Variants in HAPLN3 observed in about 807,000 individuals in gnomAD.
HAPLN3 encodes hyaluronan and proteoglycan link protein 3.
HAPLN3 carries 28 observed loss-of-function variants against 28.1 expected under a neutral mutation model. That is an observed-to-expected ratio of 1.00 (90% CI 0.74 to 1.37). The LOEUF (loss-of-function observed/expected upper bound fraction) is 1.37. HAPLN3 is among the 40% of genes most tolerant of loss of function. The pLI, the probability that HAPLN3 is intolerant of heterozygous loss-of-function variation, is 0.00. For missense variants in HAPLN3, 513 were observed against 504.6 expected, an observed-to-expected ratio of 1.02 and a Z score of -0.16; for synonymous variants, 211 against 213.1, an observed-to-expected ratio of 0.99 and a Z score of 0.09.
chr15:88,885,458 G>GTTT (rs761060139), intron 2 of HAPLN3, among the ~76,000 whole-genome samples: 2 of 114,930 alleles, frequency 1.7e-5, no homozygotes, highest in Non-Finnish European at 3.5e-5. Flanking sequence ...TGTTTTTTGT[G>GTTT]TTTTTTTTTT....
intron 2 of HAPLN3, among the ~76,000 whole-genome samples, chr15:88,886,042 AC>A (rs1355941324): frequency 6.6e-6 from 1 of 152,212 alleles, no homozygotes; most frequent in South Asian, 2.1e-4. Context: ...CCCGTGCTGC[AC>A]TAATGGTTAA....
Position 88,880,360 on chromosome 15 carries a change from A to G in HAPLN3, c.493+997T>C. On this transcript the variant is annotated intron_variant, in intron 3 of 4. Transcript: ENST00000359595. This position sits in a 1 kb window ranked among gnomAD's most constrained non-coding sequence, Gnocchi z 6.0. ...CTGAGCCACCATGTAAGCCATGTGG[A>G]CACTGGTGGCAAAGACAGAGAACGC... 8.9e-7 allele frequency: 1 copy of G among 1,123,818 alleles called. No individual in the cohort carries two copies. The highest frequency in any genetic ancestry group is 1.1e-6 in the Non-Finnish European group (1 of 906,834). 69.6% of individuals were successfully genotyped at this position (1,123,818 alleles called of 1,614,324 possible).
chr15:88,881,069 T>A lies in HAPLN3; in HGVS notation c.493+288A>T, dbSNP rs574287770. The A allele has an allele frequency of 1.5e-5, 7 of 452,430 alleles. No individual in the cohort carries two copies. The highest frequency in any genetic ancestry group is 2.8e-5 in the Non-Finnish European group (7 of 253,530). The allele number at this position is 452,430 out of a possible 1,614,324, so 28.0% of individuals were successfully genotyped here. ...CTGGTTTTCCTCTCTCTGAATGAGA[T>A]GTGAATTACAGCGGGTAGAGGGGAA... On this transcript the variant is annotated intron_variant, in intron 3 of 4. Coordinates refer to ENST00000359595, the MANE Select transcript of HAPLN3 (RefSeq NM_178232.4). This position sits in a 1 kb window ranked among gnomAD's most constrained non-coding sequence, Gnocchi z 6.0.
intron 2 of HAPLN3, among the ~76,000 whole-genome samples, chr15:88,883,378 C>T (rs116114746): frequency 0.042 from 6,459 of 152,290 alleles, 463 homozygotes; most frequent in African/African-American, 0.15. Context: ...CCACCTTTTC[C>T]CAGCTGTGTA....
chr15:88,894,858 C>T lies in HAPLN3; in HGVS notation c.-48+601G>A, dbSNP rs550127347. ...ACCCAGGGCTCTGCCCTCCACCCTC[C>T]CTACCCTTCTGGCCTCGCTGTCCCT... On this transcript the variant is annotated intron_variant, in intron 1 of 4. Transcript: ENST00000359595. 3.3e-5 allele frequency among the ~76,000 whole-genome samples: 5 copies of T among 152,354 alleles called. No individual in the cohort carries two copies. In the East Asian group the frequency reaches 9.7e-4, roughly 29 times the overall value.
Position 88,881,180 on chromosome 15 carries a change from T to C in HAPLN3, c.493+177A>G. ...GACCTTAGGTAAGTTACTTGACCTC[T>C]CTGTGCCTCAGTTTTCTCACCTGTA... On this transcript the variant is annotated intron_variant, in intron 3 of 4. Coordinates refer to ENST00000359595, the MANE Select transcript of HAPLN3 (RefSeq NM_178232.4). The surrounding 1 kb of genome is among the most constrained non-coding windows in gnomAD (Gnocchi z 6.0). 3.8e-6 allele frequency: 3 copies of C among 792,960 alleles called. No homozygotes were observed. The highest frequency in any genetic ancestry group is 5.8e-6 in the Non-Finnish European group (3 of 513,772). 49.1% of individuals were successfully genotyped at this position (792,960 alleles called of 1,614,324 possible). A position where few individuals can be genotyped will look rare whatever the true frequency, so the allele number is the denominator to read the frequency against.
In HAPLN3 at chr15:88,880,873, T is replaced by A. The variant is rs1037223905; in HGVS notation, c.493+484A>T. On this transcript the variant is annotated intron_variant, in intron 3 of 4. Coordinates refer to ENST00000359595, the MANE Select transcript of HAPLN3 (RefSeq NM_178232.4). The surrounding 1 kb of genome is among the most constrained non-coding windows in gnomAD (Gnocchi z 6.0). ...GGGTCTGCATTCTGGCGTGGCATCATCAGCTGGGCCTGAGTAGTGTGGGAG... is the reference window on the plus strand; with the variant it reads ...GGGTCTGCATTCTGGCGTGGCATCAACAGCTGGGCCTGAGTAGTGTGGGAG... Among the ~76,000 whole-genome samples, 1 of 152,194 alleles carries A rather than the reference T, an allele frequency of 6.6e-6. No individual in the cohort carries two copies. The highest frequency in any genetic ancestry group is 2.4e-5 in the African/African-American group (1 of 41,442).
Position 88,877,903 on chromosome 15 carries a change from A to C in HAPLN3, c.*67T>G. ...ACAGTTAAAATGGCTCCAACCCACA[A>C]GGGAAAACGAACCACTCAATAAATA... On this transcript the variant is annotated 3_prime_UTR_variant, in exon 5 of 5. Coordinates refer to ENST00000359595, the MANE Select transcript of HAPLN3 (RefSeq NM_178232.4). The surrounding 1 kb of genome is among the most constrained non-coding windows in gnomAD (Gnocchi z 5.1). 1.2e-5 allele frequency: 18 copies of C among 1,450,008 alleles called. No individual in the cohort carries two copies. Among genetic ancestry groups the C allele is most frequent in the Non-Finnish European group, 1.7e-5 (18 of 1,074,160 alleles). The allele number at this position is 1,450,008 out of a possible 1,614,324, so 89.8% of individuals were successfully genotyped here.
At position 88,887,337 on chromosome 15, in the gene HAPLN3, CA is replaced by C; in HGVS notation, c.-40del. 1 of 1,611,876 alleles carries C rather than the reference CA, an allele frequency of 6.2e-7. No homozygotes were observed. Among genetic ancestry groups the C allele is most frequent in the Non-Finnish European group, 8.5e-7 (1 of 1,178,980 alleles). Reference sequence around the variant, plus strand: ...GGTGACCCGGGCCAGGCTGGGGCCCCAGGGCAAACTGGGAAGGGGAGGAAAA... The same window carrying C: ...GGTGACCCGGGCCAGGCTGGGGCCCCGGGCAAACTGGGAAGGGGAGGAAAA... On this transcript the variant is annotated 5_prime_UTR_variant, in exon 2 of 5. Coordinates refer to ENST00000359595, the MANE Select transcript of HAPLN3 (RefSeq NM_178232.4).
intron 2 of HAPLN3, among the ~76,000 whole-genome samples, chr15:88,882,570 T>C (rs1897735659): frequency 6.6e-6 from 1 of 152,096 alleles, no homozygotes; most frequent in Non-Finnish European, 1.5e-5. Context: ...GAGTTACAAA[T>C]ACACACAGAA....
chr15:88,892,909 C>T lies in HAPLN3; in HGVS notation c.-48+2550G>A, dbSNP rs916592211. The T allele has an allele frequency of 7.2e-5, 108 of 1,509,244 alleles. 1 individual carries two copies. Among genetic ancestry groups the T allele is most frequent in the Non-Finnish European group, 9.4e-5 (106 of 1,129,176 alleles). The allele number at this position is 1,509,244 out of a possible 1,614,324, so 93.5% of individuals were successfully genotyped here. On this transcript the variant is annotated intron_variant, in intron 1 of 4. Transcript: ENST00000359595. ...CCTACCATGGCTATCCAGCCACCAA[C>T]TCCTCAGGACCACCACAGAGGTGCC...
chr15:88,878,505 A>T (rs1441149944), intron 4 of HAPLN3, among the ~76,000 whole-genome samples: 2 of 152,084 alleles, frequency 1.3e-5, no homozygotes, highest in Non-Finnish European at 2.9e-5. Flanking sequence ...GTGGGTGGGC[A>T]CCCCACCTAG....
Position 88,879,851 on chromosome 15 carries a change from T to C in HAPLN3, c.494-582A>G. 1 of 1,056,202 alleles carries C rather than the reference T, an allele frequency of 9.5e-7. No homozygotes were observed. 65.4% of individuals were successfully genotyped at this position (1,056,202 alleles called of 1,614,324 possible). A position where few individuals can be genotyped will look rare whatever the true frequency, so the allele number is the denominator to read the frequency against. On this transcript the variant is annotated intron_variant, in intron 3 of 4. Coordinates refer to ENST00000359595, the MANE Select transcript of HAPLN3 (RefSeq NM_178232.4). The surrounding 1 kb of genome is among the most constrained non-coding windows in gnomAD (Gnocchi z 5.0). ...GGTTTCTCTCCTTGTGGTCAGGGTC[T>C]GATAGAGGCCACAGGCCCTGAAAAG...
At chr15:88,884,508 G>A (rs544314713) in intron 2 of HAPLN3, among the ~76,000 whole-genome samples, 1 of 152,172 alleles carries the variant, frequency 6.6e-6, no homozygotes, top group Non-Finnish European at 1.5e-5. Flanking sequence ...AGCTTGCAGT[G>A]AGCCGAGATC....
Position 88,879,369 on chromosome 15 carries a change from A to G in HAPLN3, c.494-100T>C. 1.3e-6 allele frequency: 2 copies of G among 1,572,776 alleles called. No homozygotes were observed. Among genetic ancestry groups the G allele is most frequent in the Non-Finnish European group, 8.6e-7 (1 of 1,167,862 alleles). ...CTTCACTGGGACATGTGCTGCCTGC[A>G]ACACACACACATACACCATCCCTCA... On this transcript the variant is annotated intron_variant, in intron 3 of 4. Transcript: ENST00000359595. The surrounding 1 kb of genome is among the most constrained non-coding windows in gnomAD (Gnocchi z 5.0).
Position 88,881,313 on chromosome 15 carries a change from T to C in HAPLN3, c.493+44A>G. On this transcript the variant is annotated intron_variant, in intron 3 of 4. Transcript: ENST00000359595. This position sits in a 1 kb window ranked among gnomAD's most constrained non-coding sequence, Gnocchi z 6.0. ...ATGTTTTCTCTGGTCCTCTCCCCTCTGCTCTCAGGTCCCAGTGTCACCCAG... is the reference window on the plus strand; with the variant it reads ...ATGTTTTCTCTGGTCCTCTCCCCTCCGCTCTCAGGTCCCAGTGTCACCCAG... 6.4e-7 allele frequency: 1 copy of C among 1,574,400 alleles called. No individual in the cohort carries two copies.
At position 88,881,151 on chromosome 15, in the gene HAPLN3, G is replaced by T. The variant is rs1307054033; in HGVS notation, c.493+206C>A. On this transcript the variant is annotated intron_variant, in intron 3 of 4. Coordinates refer to ENST00000359595, the MANE Select transcript of HAPLN3 (RefSeq NM_178232.4). This position sits in a 1 kb window ranked among gnomAD's most constrained non-coding sequence, Gnocchi z 6.0. ...ACCCCAGCTCTGTCGTTTACAAGCTGTGTGACCTTAGGTAAGTTACTTGAC... is the reference window on the plus strand; with the variant it reads ...ACCCCAGCTCTGTCGTTTACAAGCTTTGTGACCTTAGGTAAGTTACTTGAC... 5 of 635,964 alleles carry T rather than the reference G, an allele frequency of 7.9e-6. No individual in the cohort carries two copies. The highest frequency in any genetic ancestry group is 1.3e-5 in the Non-Finnish European group (5 of 377,030). The allele number at this position is 635,964 out of a possible 1,614,324, so 39.4% of individuals were successfully genotyped here.
At chr15:88,887,878 G>A (rs899125044) in intron 1 of HAPLN3, among the ~76,000 whole-genome samples, 6 of 151,864 alleles carry the variant, frequency 4.0e-5, no homozygotes, top group African/African-American at 1.5e-4. Context: ...CAGGAGAATC[G>A]CTTGAACCCA....
At chr15:88,884,236 G>GT (rs1199097958) in intron 2 of HAPLN3, among the ~76,000 whole-genome samples, 4 of 152,144 alleles carry the variant, frequency 2.6e-5, no homozygotes, top group African/African-American at 9.7e-5. Flanking sequence ...TGAGTAGGAA[G>GT]TTTAAGTTTT....
Sources: gnomAD v4.1 joint callset for allele counts (sites outside exome capture counted in the v4.1 genomes callset) on GRCh38, gnomAD v4.1.1 for gene constraint, Gnocchi (gnomAD v3.1) non-coding constraint, MANE v1.5 for transcripts, NCBI Gene and HGNC (gene_info 2026-07-23, HGNC 2026-07-21) for gene names.